The following DOCK3 variants were observed in gnomAD, a reference collection of about 807,000 sequenced individuals.
DOCK3 encodes the protein dedicator of cytokinesis protein 3.
A neutral mutation model predicts 265.6 loss-of-function variants in DOCK3; 60 were observed. The ratio of observed to expected loss-of-function variants is 0.23; its 90% CI spans 0.18 to 0.28. The LOEUF (loss-of-function observed/expected upper bound fraction) is 0.28. Ranked by LOEUF, DOCK3 falls within the 10% of genes least tolerant of loss-of-function variation. The pLI is 1.00. For synonymous variants in DOCK3, 881 were observed against 938.0 expected (o/e 0.94, Z 1.11); for missense variants, 1,981 against 2,594.3 (o/e 0.76, Z 5.14).
intron 1 of DOCK3, among the ~76,000 whole-genome samples, chr3:50,761,820 G>A: frequency 6.6e-6 from 1 of 152,114 alleles, no homozygotes; most frequent in East Asian, 1.9e-4. Context: ...TATGTTTATT[G>A]TGGCACTATT....
chr3:51,119,714 T>G (rs1395328429), intron 9 of DOCK3, among the ~76,000 whole-genome samples: 1 of 151,980 alleles, frequency 6.6e-6, no homozygotes, highest in African/African-American at 2.4e-5. Context: ...AGTAAGTTGA[T>G]CTTCAGTCTC....
chr3:50,832,826 T>G (rs2045270275), intron 2 of DOCK3, among the ~76,000 whole-genome samples: 1 of 152,174 alleles, frequency 6.6e-6, no homozygotes, highest in Non-Finnish European at 1.5e-5. Context: ...GGGTCTCTTG[T>G]ATTCAGGTTT....
intron 49 of DOCK3, among the ~76,000 whole-genome samples, chr3:51,364,846 C>G (rs1001415954): frequency 6.6e-6 from 1 of 152,128 alleles, no homozygotes; most frequent in Non-Finnish European, 1.5e-5. Context: ...GTCTATATAT[C>G]TGTTTTGGTA....
chr3:51,277,576 C>T (rs1303727477), intron 25 of DOCK3, 32 bp from the exon 26 acceptor site: 21 of 1,507,352 alleles, frequency 1.4e-5, no homozygotes, highest in Middle Eastern at 2.2e-4. Context: ...TGGCTTGCTG[C>T]TAATGGTGTG....
At chr3:50,743,349 A>G (rs1488955646) in intron 1 of DOCK3, among the ~76,000 whole-genome samples, 1 of 152,102 alleles carries the variant, frequency 6.6e-6, no homozygotes, top group Non-Finnish European at 1.5e-5. Flanking sequence ...AACAATATTA[A>G]CTTTAAATGT....
chr3:51,016,948 A>G (rs1300156724), intron 5 of DOCK3, among the ~76,000 whole-genome samples: 2 of 36,142 alleles, frequency 5.5e-5, no homozygotes, highest in Non-Finnish European at 8.9e-5. Flanking sequence ...TATGTTATAT[A>G]TAATATATAT....
chr3:50,696,011 T>TCTTA (rs1405328672), intron 1 of DOCK3, among the ~76,000 whole-genome samples: 2 of 152,188 alleles, frequency 1.3e-5, no homozygotes, highest in Admixed American at 6.5e-5. Context: ...CTGGGGTTTG[T>TCTTA]CTTACTTGAA....
rs56084027 is a variant in DOCK3, at chr3:51,281,274, A to AATATAT, written c.2922+1097_2922+1102dup. Reference sequence around the variant, plus strand: ...ACACTAACGATAGCTGATGAGCTAAAATATATATATATATATATATATATA... The same window carrying AATATAT: ...ACACTAACGATAGCTGATGAGCTAAAATATATATATATATATATATATATATATATA... On this transcript the variant is annotated intron_variant, in intron 27 of 52. Coordinates refer to ENST00000266037, the MANE Select transcript of DOCK3 (RefSeq NM_004947.5). 5.3e-3 allele frequency among the ~76,000 whole-genome samples: 665 copies of AATATAT among 125,622 alleles called. 2 individuals are homozygous for AATATAT. Among genetic ancestry groups the AATATAT allele is most frequent in the East Asian group, 0.024 (113 of 4,636 alleles). The allele number at this position is 125,622 out of a possible 152,430, so 82.4% of individuals were successfully genotyped here.
chr3:50,703,723 G>A (rs2036205029), intron 1 of DOCK3, among the ~76,000 whole-genome samples: 1 of 151,446 alleles, frequency 6.6e-6, no homozygotes, highest in Non-Finnish European at 1.5e-5. Context: ...GTAGTTAACT[G>A]TTTATTGATT....
At chr3:51,111,468 T>C (rs547831923) in intron 9 of DOCK3, among the ~76,000 whole-genome samples, 46 of 152,110 alleles carry the variant, frequency 3.0e-4, no homozygotes, top group Non-Finnish European at 3.4e-4. Context: ...CTGACAAAAA[T>C]AAGCAATGGG....
intron 27 of DOCK3, among the ~76,000 whole-genome samples, chr3:51,288,207 C>T (rs2081518139): frequency 6.6e-6 from 1 of 152,126 alleles, no homozygotes; most frequent in African/African-American, 2.4e-5. Context: ...GCCTGGTCAA[C>T]ATGGTGAAAC....
At chr3:50,724,417 A>G (rs992088468) in intron 1 of DOCK3, among the ~76,000 whole-genome samples, 14 of 152,254 alleles carry the variant, frequency 9.2e-5, no homozygotes, top group African/African-American at 3.4e-4. Context: ...CACTTTTCGC[A>G]ATAGCAAAGT....
intron 49 of DOCK3, among the ~76,000 whole-genome samples, chr3:51,368,536 T>A (rs965709339): frequency 6.6e-6 from 1 of 152,002 alleles, no homozygotes; most frequent in Non-Finnish European, 1.5e-5. Context: ...GAGGCTTGAG[T>A]AGGTAAACAA....
chr3:50,922,694 A>G (rs1260645804), intron 4 of DOCK3, among the ~76,000 whole-genome samples: 1 of 148,246 alleles, frequency 6.7e-6, no homozygotes, highest in East Asian at 2.0e-4. Flanking sequence ...GAAGTTTTGT[A>G]CTTTTGTTTT....
chr3:51,044,292 C>T (rs2080665850), intron 5 of DOCK3, among the ~76,000 whole-genome samples: 1 of 152,076 alleles, frequency 6.6e-6, no homozygotes, highest in African/African-American at 2.4e-5. Context: ...ATGGATGGAG[C>T]TGGAGGCCAT....
chr3:51,009,097 G>C (rs1286598984), intron 5 of DOCK3, among the ~76,000 whole-genome samples: 1 of 152,124 alleles, frequency 6.6e-6, no homozygotes, highest in Middle Eastern at 3.2e-3. Context: ...TTGAGTCTCT[G>C]CCAGGCTTTG....
At chr3:51,219,063 A>T (rs1441368207) in intron 14 of DOCK3, among the ~76,000 whole-genome samples, 1 of 152,216 alleles carries the variant, frequency 6.6e-6, no homozygotes, top group African/African-American at 2.4e-5. Context: ...GAAGGCAGCT[A>T]TATAGGCATA....
intron 4 of DOCK3, among the ~76,000 whole-genome samples, chr3:50,931,239 AC>A (rs2051051691): frequency 6.6e-6 from 1 of 151,964 alleles, no homozygotes; most frequent in Admixed American, 6.6e-5. Flanking sequence ...CTCTCTCTCC[AC>A]CTGCTTACCT....
chr3:50,902,573 G>T (rs1238257437), intron 4 of DOCK3, among the ~76,000 whole-genome samples: 1 of 152,116 alleles, frequency 6.6e-6, no homozygotes, highest in East Asian at 1.9e-4. Flanking sequence ...TGCTGTTTTG[G>T]TTACTTGAGC....
Sources: gnomAD v4.1 joint callset for allele counts (sites outside exome capture counted in the v4.1 genomes callset) on GRCh38, gnomAD v4.1.1 for gene constraint, MANE v1.5 for transcripts, NCBI Gene and HGNC (gene_info 2026-07-23, HGNC 2026-07-21) for gene names.